The following DCC variants were observed in gnomAD, a reference collection of about 807,000 sequenced individuals.
DCC encodes DCC netrin 1 receptor, also known as netrin receptor DCC.
In DCC, 58 loss-of-function variants were observed where a neutral mutation model predicts 172.5. The ratio of observed to expected loss-of-function variants is 0.34; its 90% CI spans 0.27 to 0.42. DCC has a LOEUF of 0.42. Ranked by LOEUF, DCC falls within the 10% of genes least tolerant of loss-of-function variation. DCC has a pLI of 1.00. For missense variants in DCC, 1,740 were observed against 1,791.0 expected (o/e 0.97, Z 0.51); for synonymous variants, 709 against 644.5 (o/e 1.10, Z -1.52).
At chr18:52,720,020 T>C (rs1249333216) in intron 1 of DCC, among the ~76,000 whole-genome samples, 6 of 151,832 alleles carry the variant, frequency 4.0e-5, no homozygotes. Flanking sequence ...TTAAGATGAC[T>C]CTCCTGCTTG....
intron 5 of DCC, among the ~76,000 whole-genome samples, chr18:52,942,436 T>C (rs1205011436): frequency 6.6e-6 from 1 of 152,202 alleles, no homozygotes; most frequent in East Asian, 1.9e-4. Context: ...TTTAATAGCA[T>C]GTGGGTGCCT....
chr18:53,165,597 G>A (rs1176394719), intron 8 of DCC, among the ~76,000 whole-genome samples: 1 of 152,034 alleles, frequency 6.6e-6, no homozygotes, highest in Non-Finnish European at 1.5e-5. Flanking sequence ...ATAAAATCAT[G>A]GCCCTGTACC....
chr18:53,339,616 C>T (rs2057632115), intron 14 of DCC, 97 bp from the exon 15 acceptor site: 2 of 889,392 alleles, frequency 2.2e-6, no homozygotes, highest in Non-Finnish European at 3.8e-6. Context: ...ATTATTTATG[C>T]ATCTATGAAA....
At chr18:53,368,269 G>A (rs886915571) in intron 15 of DCC, among the ~76,000 whole-genome samples, 2 of 151,940 alleles carry the variant, frequency 1.3e-5, no homozygotes, top group African/African-American at 4.8e-5. Flanking sequence ...TCCTTTTTCT[G>A]CTTTTGAATT....
chr18:52,397,313 A>G (rs533565166), intron 1 of DCC, among the ~76,000 whole-genome samples: 49 of 152,036 alleles, frequency 3.2e-4, no homozygotes, highest in African/African-American at 9.6e-4. Flanking sequence ...ATTGAGAATC[A>G]CTCGCTTATA....
chr18:53,431,426 T>C (rs1422363542), intron 21 of DCC, among the ~76,000 whole-genome samples: 1 of 152,128 alleles, frequency 6.6e-6, no homozygotes, highest in Non-Finnish European at 1.5e-5. Context: ...TACAGAATTC[T>C]TCTTTATATC....
chr18:53,279,645 A>C (rs1598977233), intron 12 of DCC, among the ~76,000 whole-genome samples: 2 of 62,940 alleles, frequency 3.2e-5, no homozygotes, highest in Non-Finnish European at 9.0e-5. Context: ...CTTAAAGTAT[A>C]ATAAAAAAAA....
intron 1 of DCC, among the ~76,000 whole-genome samples, chr18:52,637,358 A>T (rs1336547293): frequency 6.6e-6 from 1 of 152,232 alleles, no homozygotes; most frequent in Non-Finnish European, 1.5e-5. Context: ...TTAGTTATTA[A>T]GCTAATCAGG....
chr18:52,828,751 A>T (rs2038559026), intron 2 of DCC, among the ~76,000 whole-genome samples: 1 of 152,170 alleles, frequency 6.6e-6, no homozygotes, highest in Admixed American at 6.5e-5. Context: ...TGGCAATGAC[A>T]TCTTTTGGTT....
chr18:53,244,918 A>G (rs2056347850), intron 12 of DCC, among the ~76,000 whole-genome samples: 1 of 152,172 alleles, frequency 6.6e-6, no homozygotes, highest in Non-Finnish European at 1.5e-5. Flanking sequence ...TTTAGGGGAT[A>G]AAAGCAATAT....
intron 2 of DCC, among the ~76,000 whole-genome samples, chr18:52,768,232 G>A (rs1238713905): frequency 6.6e-6 from 1 of 152,130 alleles, no homozygotes; most frequent in Non-Finnish European, 1.5e-5. Context: ...AGAGTGTAAG[G>A]TCTTACCTGG....
intron 27 of DCC, among the ~76,000 whole-genome samples, chr18:53,512,126 G>C (rs1025741635): frequency 9.9e-5 from 15 of 152,134 alleles, no homozygotes; most frequent in African/African-American, 3.6e-4. Flanking sequence ...AGAACGTGCA[G>C]ACTGCCTCCT....
intron 2 of DCC, among the ~76,000 whole-genome samples, chr18:52,815,176 T>C (rs1190066657): frequency 2.0e-5 from 3 of 152,058 alleles, no homozygotes; most frequent in African/African-American, 7.2e-5. Flanking sequence ...TATGGACTGA[T>C]TAGCATCTGT....
chr18:53,263,032 G>C (rs1424775456), intron 12 of DCC, among the ~76,000 whole-genome samples: 1 of 152,150 alleles, frequency 6.6e-6, no homozygotes, highest in Non-Finnish European at 1.5e-5. Context: ...ACTGGATTTG[G>C]GGGTATGGGG....
intron 21 of DCC, among the ~76,000 whole-genome samples, chr18:53,425,608 C>A (rs574188867): frequency 6.6e-6 from 1 of 151,870 alleles, no homozygotes; most frequent in Non-Finnish European, 1.5e-5. Flanking sequence ...GTGACCTGCC[C>A]GCCTCGGCCT....
At chr18:53,390,776 G>A (rs1484999385) in intron 16 of DCC, among the ~76,000 whole-genome samples, 4 of 152,104 alleles carry the variant, frequency 2.6e-5, no homozygotes. Flanking sequence ...ATGGATCAAA[G>A]CATGTATATA....
intron 1 of DCC, among the ~76,000 whole-genome samples, chr18:52,703,587 C>T (rs1020177057): frequency 2.0e-5 from 3 of 151,958 alleles, no homozygotes; most frequent in African/African-American, 7.3e-5. Flanking sequence ...GTAAATGATA[C>T]AGGCTGGAGG....
chr18:52,858,883 C>T (rs151139322), intron 2 of DCC, among the ~76,000 whole-genome samples: 168 of 152,258 alleles, frequency 1.1e-3, no homozygotes, highest in East Asian at 8.7e-3. Context: ...AGCCAAAGTT[C>T]AAAAGCCAAG....
intron 5 of DCC, among the ~76,000 whole-genome samples, chr18:52,930,695 A>C (rs1245580096): frequency 6.6e-6 from 1 of 152,154 alleles, no homozygotes; most frequent in South Asian, 2.1e-4. Flanking sequence ...CATTTTGTGA[A>C]TTTGCTGTCT....
Sources: gnomAD v4.1 joint callset for allele counts (sites outside exome capture counted in the v4.1 genomes callset) on GRCh38, gnomAD v4.1.1 for gene constraint, MANE v1.5 for transcripts, NCBI Gene and HGNC (gene_info 2026-07-23, HGNC 2026-07-21) for gene names.